Variants in TTC34 observed in about 807,000 individuals in gnomAD.
TTC34 encodes tetratricopeptide repeat domain 34.
TTC34 carries 44 observed loss-of-function variants against 40.7 expected under a neutral mutation model. That is an observed-to-expected ratio of 1.08 (90% confidence interval 0.85 to 1.39). The LOEUF is 1.39. Ranked by LOEUF, TTC34 falls within the 40% of genes most tolerant of loss-of-function variation. The pLI is 0.00. For missense variants in TTC34, 884 were observed against 838.0 expected (o/e 1.05, Z -0.68); for synonymous variants, 422 against 398.6 (o/e 1.06, Z -0.70).
Position 2,751,952 on chromosome 1 carries a change from C to G in TTC34, c.2226+31657G>C, listed in dbSNP as rs1295072022. Among the ~76,000 whole-genome samples the G allele has an allele frequency of 6.9e-5, 8 of 115,170 alleles. 4 individuals are homozygous for G. Among genetic ancestry groups the G allele is most frequent in the Admixed American group, 1.8e-4 (2 of 11,304 alleles). The allele number at this position is 115,170 out of a possible 152,430, so 75.6% of individuals were successfully genotyped here. ...TAACCACAGGTGAACATCGGAGAGTCTGGAGCAGCGCCCACACCCCCAGGC... is the reference window on the plus strand; with the variant it reads ...TAACCACAGGTGAACATCGGAGAGTGTGGAGCAGCGCCCACACCCCCAGGC... On this transcript the variant is annotated intron_variant, in intron 6 of 8. Transcript: ENST00000401095.
intron 6 of TTC34, among the ~76,000 whole-genome samples, chr1:2,754,959 C>A (rs1393921420): frequency 6.6e-3 from 119 of 17,902 alleles, no homozygotes; most frequent in East Asian, 0.012. Flanking sequence ...AGCATCTGAC[C>A]GCCTGGAACA....
intron 3 of TTC34, among the ~76,000 whole-genome samples, chr1:2,789,238 T>C (rs979942221): frequency 6.6e-6 from 1 of 152,148 alleles, no homozygotes; most frequent in Non-Finnish European, 1.5e-5. Flanking sequence ...ATGAACAGCA[T>C]GTCCAGCACA....
intron 6 of TTC34, among the ~76,000 whole-genome samples, chr1:2,695,132 C>T (rs545110442): frequency 1.9e-5 from 2 of 105,494 alleles, no homozygotes; most frequent in Admixed American, 9.8e-5. Context: ...GAGCATCTGA[C>T]AGCGTGGAAC....
At chr1:2,697,801 CT>C (rs1640938941) in intron 6 of TTC34, among the ~76,000 whole-genome samples, 286 of 146,504 alleles carry the variant, frequency 2.0e-3, no homozygotes, top group South Asian at 2.4e-3. Flanking sequence ...GAACAGCACC[CT>C]GCACCCCCGG....
chr1:2,683,904 G>T (rs1443316267), intron 6 of TTC34, among the ~76,000 whole-genome samples: 2 of 149,712 alleles, frequency 1.3e-5, no homozygotes, highest in Non-Finnish European at 2.9e-5. Flanking sequence ...GCCTGGGTCG[G>T]CACCCACACC....
intron 6 of TTC34, among the ~76,000 whole-genome samples, chr1:2,777,354 A>C (rs1643256160): frequency 6.8e-6 from 1 of 147,432 alleles, no homozygotes; most frequent in Admixed American, 6.7e-5. Flanking sequence ...AGCATCTGAC[A>C]GCCTGGAGCA....
chr1:2,781,406 T>C (rs1569949400), intron 6 of TTC34, among the ~76,000 whole-genome samples: 1 of 152,340 alleles, frequency 6.6e-6, no homozygotes, highest in South Asian at 2.1e-4. Context: ...GCTGAATTCA[T>C]TTATTAGTTC....
chr1:2,654,888 C>T (rs1211188272), intron 6 of TTC34, among the ~76,000 whole-genome samples: 18 of 151,638 alleles, frequency 1.2e-4, no homozygotes, highest in African/African-American at 3.9e-4. Flanking sequence ...GGAGCAGCAC[C>T]CACACTCCAG....
In TTC34 at chr1:2,645,606, A is replaced by G. The variant is rs915141641; in HGVS notation, c.2227-43T>C. 1.0e-5 allele frequency: 15 copies of G among 1,437,858 alleles called. No individual in the cohort carries two copies. Among genetic ancestry groups the G allele is most frequent in the Non-Finnish European group, 1.4e-5 (15 of 1,098,282 alleles). 89.1% of individuals were successfully genotyped at this position (1,437,858 alleles called of 1,614,324 possible). A position where few individuals can be genotyped will look rare whatever the true frequency, so the allele number is the denominator to read the frequency against. On this transcript the variant is annotated intron_variant, in intron 6 of 8. Coordinates refer to ENST00000401095, the Ensembl canonical transcript of TTC34. The surrounding 1 kb of genome is among the most constrained non-coding windows in gnomAD (Gnocchi z 4.7). Reference sequence around the variant, plus strand: ...GGGCGGGTGCAGAGTTGTCCTAAGTAGAGAAACTGGGCAGAGGGTCAGAGT... The same window carrying G: ...GGGCGGGTGCAGAGTTGTCCTAAGTGGAGAAACTGGGCAGAGGGTCAGAGT...
Position 2,645,673 on chromosome 1 carries a change from C to G in TTC34, c.2227-110G>C. ...TCTTTCTCATTCCCTGATCTTCTCC[C>G]TGGGGTCCTAGAGGGTCTGAACACC... is the stretch of plus-strand genomic sequence containing the variant. On this transcript the variant is annotated intron_variant, in intron 6 of 8. Transcript: ENST00000401095. The surrounding 1 kb of genome is among the most constrained non-coding windows in gnomAD (Gnocchi z 4.7). The G allele has an allele frequency of 2.4e-6, 3 of 1,233,092 alleles. No homozygotes were observed. The highest frequency in any genetic ancestry group is 3.2e-6 in the Non-Finnish European group (3 of 935,390). 76.4% of individuals were successfully genotyped at this position (1,233,092 alleles called of 1,614,324 possible).
At chr1:2,686,279 A>AC (rs1640341285) in intron 6 of TTC34, among the ~76,000 whole-genome samples, 1 of 150,814 alleles carries the variant, frequency 6.6e-6, no homozygotes, top group African/African-American at 2.5e-5. Context: ...GAGCACCCAC[A>AC]CCCCCAGGCG....
chr1:2,748,762 C>G (rs1378282764), intron 6 of TTC34, among the ~76,000 whole-genome samples: 1 of 136,262 alleles, frequency 7.3e-6, no homozygotes, highest in Non-Finnish European at 1.5e-5. Flanking sequence ...CACCCACACC[C>G]CTAGGAGAGC....
chr1:2,691,880 G>A (rs531789328), intron 6 of TTC34, among the ~76,000 whole-genome samples: 1 of 57,996 alleles, frequency 1.7e-5, no homozygotes, highest in Admixed American at 2.0e-4. Flanking sequence ...GTGAGCATCC[G>A]ACAGCCAGGA....
At chr1:2,692,519 G>A (rs1161773872) in intron 6 of TTC34, among the ~76,000 whole-genome samples, 2 of 56,870 alleles carry the variant, frequency 3.5e-5, no homozygotes, top group African/African-American at 6.6e-5. Flanking sequence ...AGGTGTGCAC[G>A]TGACAGCTTG....
At chr1:2,767,542 C>G (rs1351915250) in intron 6 of TTC34, among the ~76,000 whole-genome samples, 1 of 128,026 alleles carries the variant, frequency 7.8e-6, no homozygotes, top group Non-Finnish European at 1.6e-5. Context: ...GAGAATCTGA[C>G]GCATAAAACA....
At chr1:2,699,560 A>G (rs1641033101) in intron 6 of TTC34, among the ~76,000 whole-genome samples, 1 of 146,006 alleles carries the variant, frequency 6.8e-6, no homozygotes, top group African/African-American at 2.5e-5. Flanking sequence ...GACAGCCTGG[A>G]GCAGCACCCA....
exon 6 of TTC34, chr1:2,783,698 C>G: frequency 6.5e-7 from 1 of 1,545,588 alleles, no homozygotes; most frequent in South Asian, 1.2e-5. Flanking sequence ...GTGTTGAAGT[C>G]GAACATGGCC....
chr1:2,687,018 T>C (rs1405162238), intron 6 of TTC34, among the ~76,000 whole-genome samples: 3,256 of 54,444 alleles, frequency 0.06, no homozygotes, highest in Middle Eastern at 0.11. Flanking sequence ...AGGTGAGCAT[T>C]CGACAGCCTG....
chr1:2,768,180 C>G (rs1056087159), intron 6 of TTC34, among the ~76,000 whole-genome samples: 38 of 151,986 alleles, frequency 2.5e-4, no homozygotes, highest in African/African-American at 8.9e-4. Context: ...AGGTGAGCAT[C>G]TGACAGCCTG....
Sources: gnomAD v4.1 joint callset for allele counts (sites outside exome capture counted in the v4.1 genomes callset) on GRCh38, gnomAD v4.1.1 for gene constraint, Gnocchi (gnomAD v3.1) non-coding constraint, MANE v1.5 for transcripts, NCBI Gene and HGNC (gene_info 2026-07-23, HGNC 2026-07-21) for gene names.